Variants in IL19 observed in about 807,000 individuals in gnomAD.
The protein encoded by IL19 is interleukin-19.
A neutral mutation model predicts 19.5 loss-of-function variants in IL19; 15 were observed. That is an observed-to-expected ratio of 0.77 (90% CI 0.52 to 1.19). The LOEUF (loss-of-function observed/expected upper bound fraction) is 1.19. IL19 is among the 50% of genes most tolerant of loss of function. The pLI, the probability that IL19 is intolerant of heterozygous loss-of-function variation, is 0.00. For missense variants in IL19, 199 were observed against 213.1 expected (o/e 0.93, Z 0.41); for synonymous variants, 78 against 78.3 (o/e 1.00, Z 0.02).
intron 1 of IL19, chr1:206,771,473 G>A (rs934853384): frequency 7.1e-6 from 10 of 1,403,838 alleles, no homozygotes; most frequent in Non-Finnish European, 8.9e-6. Context: ...CTGAAATGCG[G>A]TCTTTTTGAT....
chr1:206,794,854 A>G (rs1209171456), intron 1 of IL19, among the ~76,000 whole-genome samples: 2 of 152,108 alleles, frequency 1.3e-5, no homozygotes, highest in African/African-American at 4.8e-5. Flanking sequence ...CACTTTCCAT[A>G]CCTATTTCTG....
intron 2 of IL19, among the ~76,000 whole-genome samples, chr1:206,835,942 A>C (rs1368568548): frequency 6.6e-6 from 1 of 152,268 alleles, no homozygotes; most frequent in Non-Finnish European, 1.5e-5. Flanking sequence ...CAAACCTCTC[A>C]GGGTCTGGCC....
At chr1:206,786,947 C>T (rs1372276184) in intron 1 of IL19, among the ~76,000 whole-genome samples, 1 of 152,142 alleles carries the variant, frequency 6.6e-6, no homozygotes, top group Non-Finnish European at 1.5e-5. Flanking sequence ...AAGCCAGGTT[C>T]ACTTTTCAAA....
chr1:206,833,607 G>C, intron 2 of IL19: 1 of 933,596 alleles, frequency 1.1e-6, no homozygotes, highest in Non-Finnish European at 1.3e-6. Flanking sequence ...TCTTGGTAAA[G>C]AGTTTATGTA....
chr1:206,834,241 G>A, intron 2 of IL19: 1 of 985,336 alleles, frequency 1.0e-6, no homozygotes, highest in Non-Finnish European at 1.2e-6. Context: ...ACAATACTAA[G>A]AAAACAAGGG....
intron 2 of IL19, among the ~76,000 whole-genome samples, chr1:206,823,708 G>A (rs1325921517): frequency 1.3e-5 from 2 of 152,090 alleles, no homozygotes; most frequent in African/African-American, 4.8e-5. Flanking sequence ...CTTTTCTAAT[G>A]GCTGAGAAAA....
At chr1:206,815,171 C>T (rs1205583721) in intron 2 of IL19, among the ~76,000 whole-genome samples, 1 of 152,146 alleles carries the variant, frequency 6.6e-6, no homozygotes, top group African/African-American at 2.4e-5. Context: ...GAGTCTATCT[C>T]CAGGATGTTT....
Position 206,818,591 on chromosome 1 carries a change from G to A in IL19, c.-2-18070G>A, listed in dbSNP as rs544110202. On this transcript the variant is annotated intron_variant, in intron 2 of 6. Coordinates refer to ENST00000659997, the MANE Select transcript of IL19 (RefSeq NM_153758.5). Reference sequence around the variant, plus strand: ...AGAAAAGGATTAAAATAGAGCAGGAGAAACTGCTGGGGCTACTGAGTATGT... The same window carrying A: ...AGAAAAGGATTAAAATAGAGCAGGAAAAACTGCTGGGGCTACTGAGTATGT... Among the ~76,000 whole-genome samples the A allele has an allele frequency of 2.0e-5, 3 of 152,288 alleles. No homozygotes were observed. In the South Asian group the frequency reaches 6.2e-4, roughly 32 times the overall value.
In IL19 at chr1:206,798,940, C is replaced by T. The variant is rs748266118; in HGVS notation, c.-69C>T. On this transcript the variant is annotated 5_prime_UTR_variant, in exon 2 of 7. Coordinates refer to ENST00000659997, the MANE Select transcript of IL19 (RefSeq NM_153758.5). ...TCCGCACAGATCTGCGTGTTCCTTA[C>T]CACTCACACATGTGCACACACATAT... 20 of 1,613,964 alleles carry T rather than the reference C, an allele frequency of 1.2e-5. 1 individual carries two copies. In the South Asian group the frequency reaches 2.2e-4, roughly 18 times the overall value.
chr1:206,837,055 T>C (rs777335199), intron 4 of IL19, 32 bp downstream of exon 4: 13 of 1,539,720 alleles, frequency 8.4e-6, no homozygotes, highest in Middle Eastern at 3.4e-4. Context: ...TTCCAGTATT[T>C]TTATCTTCAT....
At chr1:206,822,347 C>T (rs1676309820) in intron 2 of IL19, among the ~76,000 whole-genome samples, 1 of 152,170 alleles carries the variant, frequency 6.6e-6, no homozygotes, top group African/African-American at 2.4e-5. Context: ...GAGGAGAATG[C>T]TGGAGGCTGG....
At position 206,770,809 on chromosome 1, in the gene IL19, T is replaced by C; in HGVS notation, c.-418T>C. ...ATTTACAGCTAGCTCTGCCAGTCTG[T>C]GTCTTTGCTGTGTCTGTGGATGTGA... On this transcript the variant is annotated 5_prime_UTR_variant, in exon 1 of 7. Transcript: ENST00000659997. 1 of 1,159,554 alleles carries C rather than the reference T, an allele frequency of 8.6e-7. No individual in the cohort carries two copies. The highest frequency in any genetic ancestry group is 1.7e-5 in the Admixed American group (1 of 59,358). 71.8% of individuals were successfully genotyped at this position (1,159,554 alleles called of 1,614,324 possible).
intron 1 of IL19, among the ~76,000 whole-genome samples, chr1:206,772,966 T>C (rs1674896705): frequency 6.6e-6 from 1 of 152,176 alleles, no homozygotes; most frequent in Non-Finnish European, 1.5e-5. Context: ...CTCTGGGCCT[T>C]AGTTTCCCCA....
intron 2 of IL19, among the ~76,000 whole-genome samples, chr1:206,828,445 G>C (rs1676495599): frequency 1.3e-5 from 2 of 152,186 alleles, no homozygotes; most frequent in Admixed American, 1.3e-4. Flanking sequence ...TAATGGAGTA[G>C]TTTCCAATAA....
chr1:206,822,650 G>T (rs767882203), intron 2 of IL19, among the ~76,000 whole-genome samples: 1 of 152,206 alleles, frequency 6.6e-6, no homozygotes, highest in Non-Finnish European at 1.5e-5. Flanking sequence ...TATTGAAAAT[G>T]CTTAGCACAG....
chr1:206,837,080 G>C (rs928463443), intron 4 of IL19, 57 bp downstream of exon 4: 14 of 1,389,442 alleles, frequency 1.0e-5, no homozygotes, highest in Non-Finnish European at 1.4e-5. Flanking sequence ...AAATGGCTCT[G>C]GGCTGAGAAA....
At chr1:206,829,272 T>A (rs1029449385) in intron 2 of IL19, 2 of 152,170 alleles carry the variant, frequency 1.3e-5, no homozygotes, top group African/African-American at 2.4e-5. Context: ...AACACTGAGA[T>A]GTTTTCATTG....
At chr1:206,824,093 A>T (rs1159315251) in intron 2 of IL19, among the ~76,000 whole-genome samples, 1 of 152,244 alleles carries the variant, frequency 6.6e-6, no homozygotes, top group African/African-American at 2.4e-5. Context: ...AAGCACTGTT[A>T]CTTGATATCA....
intron 1 of IL19, among the ~76,000 whole-genome samples, chr1:206,798,264 G>A (rs1675576964): frequency 6.6e-6 from 1 of 152,178 alleles, no homozygotes. Flanking sequence ...CTGGCCCGTT[G>A]TTCCATCCAG....
Sources: allele counts gnomAD v4.1 joint callset (sites outside exome capture counted in the v4.1 genomes callset), GRCh38; gene constraint gnomAD v4.1.1; transcripts MANE v1.5; gene names NCBI Gene and HGNC (gene_info 2026-07-23, HGNC 2026-07-21).